The following TMEM164 variants were observed in gnomAD, a reference collection of about 807,000 sequenced individuals.
TMEM164 encodes the protein RP13-360B22.2.
Under a neutral mutation model 18.8 loss-of-function variants are expected in TMEM164, and 4 were observed. The observed-to-expected ratio is 0.21, with a 90% CI of 0.10 to 0.49. The LOEUF (loss-of-function observed/expected upper bound fraction) is 0.49. Among genes scored for constraint, TMEM164 ranks in the 20% least tolerant of loss-of-function variants. TMEM164 has a pLI of 0.98. For missense variants in TMEM164, 108 were observed against 239.9 expected (o/e 0.45, Z 3.63); for synonymous variants, 86 against 101.7 (o/e 0.85, Z 0.93).
chrX:110,015,199 C>T (rs1228610627), intron 2 of TMEM164, among the ~76,000 whole-genome samples: 2 of 111,303 alleles, frequency 1.8e-5, no homozygotes, highest in East Asian at 5.6e-4. Flanking sequence ...TGATTTCAGG[C>T]CTTGGGATGT....
At chrX:110,069,570 C>CTT (rs72102436) in intron 3 of TMEM164, among the ~76,000 whole-genome samples, 124 of 91,454 alleles carry the variant, frequency 1.4e-3, no homozygotes, top group Middle Eastern at 5.5e-3. Context: ...TTTATATTGA[C>CTT]TTTTTTTTTT....
At chrX:110,043,669 G>A (rs1047906654) in intron 2 of TMEM164, among the ~76,000 whole-genome samples, 5 of 110,220 alleles carry the variant, frequency 4.5e-5, no homozygotes, top group East Asian at 2.8e-4. Flanking sequence ...CCTTTTCCTC[G>A]TTGCAAAAAA....
chrX:110,016,422 TA>T (rs1933371802), intron 2 of TMEM164, among the ~76,000 whole-genome samples: 2 of 111,859 alleles, frequency 1.8e-5, no homozygotes, highest in Middle Eastern at 4.6e-3. Flanking sequence ...CTTAGGCCTT[TA>T]AAACGCTGGA....
At position 110,174,861 on chromosome X, in the gene TMEM164, C is replaced by T. The variant is rs745985855; in HGVS notation, c.*1410C>T. The T allele has an allele frequency of 8.9e-6, 1 of 112,187 alleles. No individual in the cohort carries two copies. The highest frequency in any genetic ancestry group is 3.7e-4 in the South Asian group (1 of 2,681). The allele number at this position is 112,187 out of a possible 1,213,427, so 9.2% of individuals were successfully genotyped here. On this transcript the variant is annotated 3_prime_UTR_variant, in exon 7 of 7. Transcript: ENST00000372068. ...TTGGTGATTTTGTCTGATGAGCCTCCCTTCCCCTGTCCCACTCTAGGCAAC... is the reference window on the plus strand; with the variant it reads ...TTGGTGATTTTGTCTGATGAGCCTCTCTTCCCCTGTCCCACTCTAGGCAAC...
chrX:110,098,788 CT>C (rs1215343245), intron 3 of TMEM164, among the ~76,000 whole-genome samples: 3 of 105,760 alleles, frequency 2.8e-5, no homozygotes, highest in Admixed American at 1.0e-4. Flanking sequence ...TTTTTCAGCC[CT>C]TTTTTTTTCT....
chrX:110,059,658 T>A lies in TMEM164; in HGVS notation c.391-7689T>A, dbSNP rs774697692. Among the ~76,000 whole-genome samples, 3 of 112,450 alleles carry A rather than the reference T, an allele frequency of 2.7e-5. No individual in the cohort carries two copies. In the South Asian group the frequency reaches 1.1e-3, roughly 41 times the overall value. On this transcript the variant is annotated intron_variant, in intron 2 of 6. Coordinates refer to ENST00000372068, the MANE Select transcript of TMEM164 (RefSeq NM_032227.4). ...AAGCTTGTCCAGCCTGTGGACTGCATGTAGCCCAAGACAGCTTTGAATGCA... is the reference window on the plus strand; with the variant it reads ...AAGCTTGTCCAGCCTGTGGACTGCAAGTAGCCCAAGACAGCTTTGAATGCA...
At chrX:110,002,765 A>C (rs1932383370), upstream of TMEM164, 1 of 105,853 alleles carries the variant, frequency 9.4e-6, no homozygotes, top group African/African-American at 3.5e-5. Context: ...CCGCGGGCCG[A>C]GCTGCCGGTG....
chrX:110,167,681 G>A (rs1189457902), intron 5 of TMEM164, among the ~76,000 whole-genome samples: 1 of 111,468 alleles, frequency 9.0e-6, no homozygotes, highest in African/African-American at 3.3e-5. Context: ...ATAATTTTAT[G>A]ATTCTCCAGA....
At chrX:110,183,297 A>G (rs991020616), downstream of TMEM164, among the ~76,000 whole-genome samples, 3 of 112,079 alleles carry the variant, frequency 2.7e-5, no homozygotes, top group Non-Finnish European at 3.8e-5. Flanking sequence ...AAACCAACCA[A>G]TCAGTTTTCA....
chrX:110,123,482 G>A (rs889601509), intron 4 of TMEM164, among the ~76,000 whole-genome samples: 3 of 112,242 alleles, frequency 2.7e-5, no homozygotes, highest in Admixed American at 1.9e-4. Flanking sequence ...TGACTAGCCT[G>A]AGGCCACATA....
At chrX:110,033,753 C>G (rs958125010) in intron 2 of TMEM164, among the ~76,000 whole-genome samples, 2 of 111,461 alleles carry the variant, frequency 1.8e-5, no homozygotes, top group African/African-American at 6.5e-5. Flanking sequence ...CAGATACTTT[C>G]TAATCTCTCC....
intron 2 of TMEM164, among the ~76,000 whole-genome samples, chrX:110,017,154 C>T (rs773543682): frequency 1.8e-5 from 2 of 111,723 alleles, no homozygotes; most frequent in South Asian, 7.5e-4. Context: ...AAACTGAGAC[C>T]CAGAGAGGTG....
downstream of TMEM164, among the ~76,000 whole-genome samples, chrX:110,179,982 C>A (rs2067317175): frequency 8.9e-6 from 1 of 112,175 alleles, no homozygotes; most frequent in Non-Finnish European, 1.9e-5. Context: ...TTTGTTTGCC[C>A]AGGCACCTCA....
chrX:110,155,853 C>T (rs1000029946), intron 5 of TMEM164, among the ~76,000 whole-genome samples: 3 of 112,269 alleles, frequency 2.7e-5, no homozygotes, highest in African/African-American at 9.7e-5. Context: ...TCTCTTTGGC[C>T]TCATTTCTCA....
At chrX:110,027,569 G>A (rs1288917251) in intron 2 of TMEM164, among the ~76,000 whole-genome samples, 1 of 110,165 alleles carries the variant, frequency 9.1e-6, no homozygotes, top group Non-Finnish European at 1.9e-5. Flanking sequence ...AGACCAGCCT[G>A]ACCAATATGG....
intron 4 of TMEM164, among the ~76,000 whole-genome samples, chrX:110,143,804 GGTGT>G (rs759024255): frequency 1.1e-3 from 116 of 102,979 alleles, no homozygotes; most frequent in South Asian, 5.2e-3. Flanking sequence ...CATACTTTGG[GGTGT>G]GTGTGTGTGT....
At chrX:110,058,609 C>CT (rs34108969) in intron 2 of TMEM164, among the ~76,000 whole-genome samples, 3,864 of 81,146 alleles carry the variant, frequency 0.048, 302 homozygotes, top group African/African-American at 0.16. Flanking sequence ...CCCTTTCTTT[C>CT]TTTTTTTTTT....
chrX:110,113,109 A>G (rs1336971166), intron 4 of TMEM164, among the ~76,000 whole-genome samples: 1 of 111,446 alleles, frequency 9.0e-6, no homozygotes, highest in Non-Finnish European at 1.9e-5. Flanking sequence ...CTGTTACATT[A>G]ACAGCTAATA....
At chrX:110,115,951 G>GA (rs2066356910) in intron 4 of TMEM164, among the ~76,000 whole-genome samples, 4 of 110,896 alleles carry the variant, frequency 3.6e-5, no homozygotes, top group Non-Finnish European at 5.7e-5. Context: ...AGCTGGGCGT[G>GA]GTGGCACATG....
Sources: gnomAD v4.1 joint callset for allele counts (sites outside exome capture counted in the v4.1 genomes callset) on GRCh38, gnomAD v4.1.1 for gene constraint, MANE v1.5 for transcripts, NCBI Gene and HGNC (gene_info 2026-07-23, HGNC 2026-07-21) for gene names.